Variants in DLEC1 observed in about 807,000 individuals in gnomAD.
The protein encoded by DLEC1 is DLEC1 cilia and flagella associated protein, also known as deleted in lung and esophageal cancer protein 1.
DLEC1 carries 146 observed loss-of-function variants against 198.1 expected under a neutral mutation model. That is an observed-to-expected ratio of 0.74 (90% CI 0.64 to 0.85). The LOEUF (loss-of-function observed/expected upper bound fraction) is 0.85, where lower values mean the gene tolerates loss of function less well. DLEC1 is among the 40% of genes least tolerant of loss of function. The pLI is 0.00. For synonymous variants in DLEC1, 897 were observed against 866.8 expected (o/e 1.03, Z -0.61); for missense variants, 2,233 against 2,220.0 (o/e 1.01, Z -0.12).
intron 12 of DLEC1, among the ~76,000 whole-genome samples, 158 bp downstream of exon 12, chr3:38,093,925 A>G (rs868364075): frequency 2.0e-5 from 3 of 152,182 alleles, no homozygotes; most frequent in Non-Finnish European, 4.4e-5. Context: ...GACCCAGTCT[A>G]TCATGGAAAC....
intron 33 of DLEC1, among the ~76,000 whole-genome samples, chr3:38,118,309 C>G (rs539080535): frequency 6.6e-6 from 1 of 152,320 alleles, no homozygotes; most frequent in East Asian, 1.9e-4. Flanking sequence ...CCCTCTTAGT[C>G]CCCACTGCTG....
chr3:38,097,114 C>A, intron 15 of DLEC1, 68 bp from the exon 16 acceptor site: 1 of 1,388,580 alleles, frequency 7.2e-7, no homozygotes, highest in South Asian at 1.3e-5. Flanking sequence ...ATCCTACAGT[C>A]CTTCAGCAGG....
At chr3:38,089,109 C>A (rs547972509) in intron 10 of DLEC1, among the ~76,000 whole-genome samples, 1 of 152,342 alleles carries the variant, frequency 6.6e-6, no homozygotes, top group East Asian at 1.9e-4. Flanking sequence ...CCGAGGGAGG[C>A]CCCTGACATT....
Position 38,062,208 on chromosome 3 carries a change from G to T in DLEC1, c.713G>T (p.Cys238Phe). The change falls in exon 4 of 37, where the codon TGT becomes TTT. Residue 238 changes from cysteine to phenylalanine, a missense_variant. By Grantham distance (205) the Cys-to-Phe change is radical. Coordinates refer to ENST00000308059, the MANE Select transcript of DLEC1 (RefSeq NM_007335.4). The stretch of plus-strand genomic sequence containing the variant: ...GGATGTTCAAAACTGACATTTAGCT[G>T]TGAGAAGCGTTCCGTCCAGAAGAAA... ...LPGCSKLTFS[C>F]EKRSVQKKEL... 6.2e-7 allele frequency: 1 copy of T among 1,614,240 alleles called. No individual in the cohort carries two copies. Among genetic ancestry groups the T allele is most frequent in the African/African-American group, 1.3e-5 (1 of 75,070 alleles).
intron 6 of DLEC1, among the ~76,000 whole-genome samples, chr3:38,079,192 A>G (rs557732089): frequency 8.5e-5 from 13 of 152,290 alleles, no homozygotes; most frequent in African/African-American, 3.1e-4. Context: ...AATGAGATGT[A>G]GCTGTAATCC....
At position 38,039,638 on chromosome 3, in the gene DLEC1, T is replaced by G; in HGVS notation, c.411+2T>G. ...GAGTTCGTGGACCAGCTGCAGCAGG[T>G]AACGTGGCGGTGGCGTCGCGTCTGC... On this transcript the variant is annotated splice_donor_variant, in intron 1 of 36. Transcript: ENST00000308059. LOFTEE classifies it high-confidence loss of function. 1.9e-6 allele frequency: 3 copies of G among 1,594,102 alleles called. No individual in the cohort carries two copies. The highest frequency in any genetic ancestry group is 2.6e-6 in the Non-Finnish European group (3 of 1,166,936).
rs766338561 is a variant in DLEC1 at position 38,110,083 on chromosome 3, A to C, written c.3261-16A>C. 19 of 1,612,954 alleles carry C rather than the reference A, an allele frequency of 1.2e-5. No homozygotes were observed. The Admixed American group carries it at 2.7e-4, about 23-fold the overall frequency. On this transcript the variant is annotated splice_polypyrimidine_tract_variant and intron_variant, in intron 22 of 36. Coordinates refer to ENST00000308059, the MANE Select transcript of DLEC1 (RefSeq NM_007335.4). ...TGTGTTACATAGTACCAATGGGCAC[A>C]GGACAGTGTTTTCAGCACAGAGCAG... is the stretch of plus-strand genomic sequence containing the variant.
chr3:38,093,640 A>C lies in DLEC1; in HGVS notation c.1792A>C (p.Ile598Leu), dbSNP rs1698856942. ...GQLIALDLIYISGEKSQPDPG... is the reference protein window; with the variant it reads ...GQLIALDLIYLSGEKSQPDPG... ...GCTGATTGCTTTGGATCTGATCTATATTTCTGGTGAAAAAAGCCAGCCAGA... is the reference window on the plus strand; with the variant it reads ...GCTGATTGCTTTGGATCTGATCTATCTTTCTGGTGAAAAAAGCCAGCCAGA... The change falls in exon 12 of 37, where the codon ATT (isoleucine) becomes CTT (leucine). Residue 598 changes from isoleucine to leucine, a missense_variant. By Grantham distance (5) the Ile-to-Leu change is conservative. Coordinates refer to ENST00000308059, the MANE Select transcript of DLEC1 (RefSeq NM_007335.4). 1.2e-6 allele frequency: 2 copies of C among 1,614,168 alleles called. No homozygotes were observed. Among genetic ancestry groups the C allele is most frequent in the East Asian group, 2.2e-5 (1 of 44,876 alleles).
At chr3:38,096,522 T>A (rs1361267456) in intron 14 of DLEC1, 47 bp from the exon 15 acceptor site, 3 of 1,579,128 alleles carry the variant, frequency 1.9e-6, no homozygotes, top group South Asian at 2.3e-5. Flanking sequence ...CTCTAGGATG[T>A]GCTTCCAGGT....
In DLEC1 at chr3:38,116,642, A is replaced by G. The variant is rs918630362; in HGVS notation, c.4046A>G (p.His1349Arg). The change falls in exon 28 of 37, where the codon CAT becomes CGT. Residue 1349 changes from histidine to arginine, a missense_variant. His to Arg is a conservative substitution (Grantham distance 29). Transcript: ENST00000308059. The part of the protein sequence containing the change: ...PGPSSSSEFS[H>R]ETDSSVEGSS... The stretch of plus-strand genomic sequence containing the variant: ...CCCTCCAGTTCATCGGAATTCAGCC[A>G]TGAAACTGACTCATCAGTGAGCAGG... 9.9e-6 allele frequency: 16 copies of G among 1,613,994 alleles called. No homozygotes were observed. Among genetic ancestry groups the G allele is most frequent in the Admixed American group, 3.3e-5 (2 of 60,002 alleles).
chr3:38,089,135 T>G, intron 10 of DLEC1, among the ~76,000 whole-genome samples: 1 of 152,228 alleles, frequency 6.6e-6, no homozygotes, highest in East Asian at 1.9e-4. Context: ...GCAAAAACCG[T>G]CTGGCTTCTG....
intron 1 of DLEC1, among the ~76,000 whole-genome samples, chr3:38,044,021 C>A (rs1276515490): frequency 1.3e-5 from 2 of 151,972 alleles, no homozygotes; most frequent in Non-Finnish European, 2.9e-5. Context: ...GTAATCCCAG[C>A]ACTTTAGGAG....
intron 6 of DLEC1, among the ~76,000 whole-genome samples, chr3:38,073,872 G>C (rs1030178643): frequency 1.7e-4 from 26 of 152,232 alleles, no homozygotes; most frequent in African/African-American, 6.0e-4. Context: ...CTGAAGCTCA[G>C]CATCTGTGAT....
intron 2 of DLEC1, among the ~76,000 whole-genome samples, chr3:38,057,899 C>A (rs1696461971): frequency 2.7e-5 from 4 of 150,772 alleles, no homozygotes; most frequent in African/African-American, 9.8e-5. Flanking sequence ...TCACTGCAAA[C>A]TCCACCTCCT....
Position 38,093,610 on chromosome 3 carries a change from G to C in DLEC1, c.1762G>C (p.Gly588Arg). ...QIKELVTIGI[G>R]QLIALDLIYI... The stretch of plus-strand genomic sequence containing the variant: ...CACTTACTCTACTTTGGCAGGAATT[G>C]GGCAGCTGATTGCTTTGGATCTGAT... Residue 588 changes from glycine (G) to arginine (R), a missense_variant, in exon 12 of 37, where the codon GGG (glycine) becomes CGG (arginine). Coordinates refer to ENST00000308059, the MANE Select transcript of DLEC1 (RefSeq NM_007335.4). 1 of 1,614,132 alleles carries C rather than the reference G, an allele frequency of 6.2e-7. No homozygotes were observed. Among genetic ancestry groups the C allele is most frequent in the Non-Finnish European group, 8.5e-7 (1 of 1,180,022 alleles).
At chr3:38,079,463 C>T (rs2125653165) in intron 6 of DLEC1, among the ~76,000 whole-genome samples, 1 of 152,240 alleles carries the variant, frequency 6.6e-6, no homozygotes, top group Admixed American at 6.5e-5. Context: ...ACTTACCTTC[C>T]ACTGTGAGAG....
intron 19 of DLEC1, among the ~76,000 whole-genome samples, chr3:38,106,755 C>CAAAAAA (rs4019982): frequency 1.3e-4 from 5 of 38,960 alleles, no homozygotes; most frequent in Non-Finnish European, 1.0e-4. Context: ...GACTCTATCT[C>CAAAAAA]AAAAAAAAAA....
intron 22 of DLEC1, chr3:38,109,768 C>T: frequency 1.1e-6 from 1 of 910,964 alleles, no homozygotes. Flanking sequence ...GGTCTCCCCA[C>T]ACACACTTGG....
chr3:38,080,363 T>C (rs1194225891), intron 6 of DLEC1, among the ~76,000 whole-genome samples: 1 of 151,758 alleles, frequency 6.6e-6, no homozygotes, highest in Non-Finnish European at 1.5e-5. Flanking sequence ...AAAGGAAGAT[T>C]AGAAAGACTC....
Sources: allele counts gnomAD v4.1 joint callset (sites outside exome capture counted in the v4.1 genomes callset), GRCh38; gene constraint gnomAD v4.1.1; transcripts MANE v1.5; gene names NCBI Gene and HGNC (gene_info 2026-07-23, HGNC 2026-07-21).